XPO5: variants seen among roughly 807,000 people sequenced by gnomAD.
XPO5 encodes exportin 5.
A neutral mutation model predicts 160.6 loss-of-function variants in XPO5; 46 were observed. The observed-to-expected ratio is 0.29, with a 90% CI of 0.23 to 0.37. The LOEUF (loss-of-function observed/expected upper bound fraction) is 0.37, where lower values mean the gene tolerates loss of function less well. Among genes scored for constraint, XPO5 ranks in the 10% least tolerant of loss-of-function variants. The probability of loss-of-function intolerance (pLI) is 1.00; values close to 1 mark genes in which losing one functional copy is unlikely to be tolerated. For missense variants in XPO5, 1,090 were observed against 1,463.9 expected (o/e 0.74, Z 4.17); for synonymous variants, 537 against 519.3 (o/e 1.03, Z -0.46).
intron 23 of XPO5, chr6:43,529,383 A>C (rs780402500): frequency 3.4e-5 from 12 of 349,808 alleles, no homozygotes; most frequent in South Asian, 1.1e-4. Context: ...TCTACTAAAA[A>C]AAAAAAAAAA....
At chr6:43,544,682 T>C (rs904054027) in intron 20 of XPO5, among the ~76,000 whole-genome samples, 10 of 152,058 alleles carry the variant, frequency 6.6e-5, no homozygotes, top group African/African-American at 2.4e-4. Flanking sequence ...TGCTAGCACT[T>C]TGGGAGACTG....
chr6:43,575,656 GGGGCCGCGT>G, intron 1 of XPO5, 95 bp downstream of exon 1: 1 of 1,062,292 alleles, frequency 9.4e-7, no homozygotes, highest in Non-Finnish European at 1.4e-6. Context: ...AGGAGGTCCA[GGGGCCGCGT>G]GGGCGGGAGA....
intron 20 of XPO5, chr6:43,539,030 G>T (rs1053597078): frequency 2.7e-4 from 412 of 1,547,966 alleles, no homozygotes; most frequent in Non-Finnish European, 3.6e-4. Flanking sequence ...GCCCTGGGCT[G>T]AGGTGTAGCA....
Position 43,562,116 on chromosome 6 carries a change from G to A in XPO5, c.1011+131C>T, listed in dbSNP as rs1762449104. 2.3e-5 allele frequency: 14 copies of A among 604,008 alleles called. No homozygotes were observed. In the South Asian group the frequency reaches 2.7e-4, roughly 12 times the overall value. The allele number at this position is 604,008 out of a possible 1,614,324, so 37.4% of individuals were successfully genotyped here. On this transcript the variant is annotated intron_variant, in intron 9 of 31. Transcript: ENST00000265351. The stretch of plus-strand genomic sequence containing the variant: ...AAGATAATTTAATCTATAGAATCAT[G>A]CAATAACTTGTATGGCACTGCCCCA...
At position 43,572,584 on chromosome 6, in the gene XPO5, C is replaced by A; in HGVS notation, c.228-6G>T. The A allele has an allele frequency of 6.2e-7, 1 of 1,613,824 alleles. No individual in the cohort carries two copies. Among genetic ancestry groups the A allele is most frequent in the South Asian group, 1.1e-5 (1 of 91,070 alleles). On this transcript the variant is annotated splice_region_variant and splice_polypyrimidine_tract_variant and intron_variant, in intron 2 of 31. Transcript: ENST00000265351. ...ACATGCCGTTCCACCGAAACCTGAC[C>A]ACCAAAATGCATAAAGTCAATAGAA...
At chr6:43,549,796 C>T (rs41281822) in intron 16 of XPO5, 97 bp downstream of exon 16, 231 of 1,339,974 alleles carry the variant, frequency 1.7e-4, no homozygotes, top group Non-Finnish European at 2.3e-4. Context: ...ACCCTTACTA[C>T]CCCCTCCCAT....
At chr6:43,566,334 C>T (rs1762692764) in intron 7 of XPO5, among the ~76,000 whole-genome samples, 1 of 151,908 alleles carries the variant, frequency 6.6e-6, no homozygotes, top group Non-Finnish European at 1.5e-5. Context: ...GCAGAGGTTG[C>T]ACTGAGCTGA....
At chr6:43,526,980 AGAGT>A in intron 26 of XPO5, 1 of 521,110 alleles carries the variant, frequency 1.9e-6, no homozygotes, top group Non-Finnish European at 3.5e-6. Flanking sequence ...GAATTCTCTG[AGAGT>A]GAGTGACTAG....
intron 7 of XPO5, chr6:43,566,720 G>A: frequency 6.9e-6 from 2 of 288,838 alleles, no homozygotes; most frequent in South Asian, 5.6e-5. Flanking sequence ...TGAGGCAGGA[G>A]AATCGCTTGA....
chr6:43,575,797 G>A lies in XPO5; in HGVS notation c.68C>T (p.Pro23Leu). 1 of 1,613,780 alleles carries A rather than the reference G, an allele frequency of 6.2e-7. No individual in the cohort carries two copies. The highest frequency in any genetic ancestry group is 8.5e-7 in the Non-Finnish European group (1 of 1,179,758). Reference protein sequence around the residue: ...LVKAVTVMMDPNSTQRYRLEA... With the variant: ...LVKAVTVMMDLNSTQRYRLEA... ...CAGCCGGTAGCGCTGGGTGGAGTTG[G>A]GGTCCATCATGACCGTCACCGCTTT... The change falls in exon 1 of 32, where the codon CCC (proline) becomes CTC (leucine). Residue 23 changes from proline to leucine, a missense_variant. Physicochemically the swap from Pro to Leu is moderately conservative, Grantham distance 98. Coordinates refer to ENST00000265351, the MANE Select transcript of XPO5 (RefSeq NM_020750.3).
chr6:43,539,455 G>A (rs551080046), intron 20 of XPO5: 1,286 of 1,573,642 alleles, frequency 8.2e-4, no homozygotes, highest in Non-Finnish European at 1.0e-3. Context: ...GCAGGGAGAA[G>A]AGATAGATCT....
At chr6:43,573,081 C>T (rs1344324347) in intron 2 of XPO5, among the ~76,000 whole-genome samples, 1 of 152,058 alleles carries the variant, frequency 6.6e-6, no homozygotes, top group African/African-American at 2.4e-5. Flanking sequence ...TTGGATGTAC[C>T]ACCCAGAGAA....
intron 11 of XPO5, among the ~76,000 whole-genome samples, chr6:43,559,828 C>T (rs149206859): frequency 2.6e-5 from 4 of 152,120 alleles, no homozygotes; most frequent in Admixed American, 1.3e-4. Context: ...TTTTATGTTT[C>T]CCCCGAGACA....
At chr6:43,571,293 A>C (rs1762993820) in intron 3 of XPO5, among the ~76,000 whole-genome samples, 1 of 152,202 alleles carries the variant, frequency 6.6e-6, no homozygotes, top group Non-Finnish European at 1.5e-5. Flanking sequence ...AGTTTGCAGA[A>C]GGCCAGGGAG....
intron 14 of XPO5, 94 bp from the exon 15 acceptor site, chr6:43,551,547 G>C: frequency 4.8e-6 from 7 of 1,470,356 alleles, no homozygotes; most frequent in Admixed American, 1.8e-5. Flanking sequence ...TAAAGAGACA[G>C]GGTCTCATTC....
chr6:43,553,607 A>G (rs1352162425), intron 13 of XPO5, 104 bp from the exon 14 acceptor site: 4 of 1,448,624 alleles, frequency 2.8e-6, no homozygotes, highest in Non-Finnish European at 3.6e-6. Context: ...CTTAGAGAAC[A>G]CCTGAGAATT....
chr6:43,563,924 A>G (rs1257136063), intron 8 of XPO5, among the ~76,000 whole-genome samples: 2 of 152,148 alleles, frequency 1.3e-5, no homozygotes, highest in African/African-American at 2.4e-5. Context: ...GCTAAACTAA[A>G]CTTATTTATT....
Position 43,551,450 on chromosome 6 carries a change from T to C in XPO5, c.1576A>G (p.Ile526Val). ...AGCTCTATTCCATCATTAACAGGAA[T>C]TTCCTGTAACAAAGACATAAAACAG... is the stretch of plus-strand genomic sequence containing the variant. ...QMFRTLNREE[I>V]PVNDGIELLQ... is the part of the protein sequence containing the mutation. The change falls in exon 15 of 32, where the codon ATT becomes GTT. Residue 526 changes from isoleucine to valine, a missense_variant. Coordinates refer to ENST00000265351, the MANE Select transcript of XPO5 (RefSeq NM_020750.3). The C allele has an allele frequency of 6.2e-7, 1 of 1,611,790 alleles. No homozygotes were observed. Among genetic ancestry groups the C allele is most frequent in the Non-Finnish European group, 8.5e-7 (1 of 1,179,288 alleles).
intron 7 of XPO5, 118 bp from the exon 8 acceptor site, chr6:43,565,854 A>G (rs1170334505): frequency 2.8e-6 from 2 of 720,726 alleles, no homozygotes; most frequent in Admixed American, 3.4e-5. Context: ...CCCAGGGTTT[A>G]GTGAAACACT....
Sources: gnomAD v4.1 joint callset for allele counts (sites outside exome capture counted in the v4.1 genomes callset) on GRCh38, gnomAD v4.1.1 for gene constraint, MANE v1.5 for transcripts, NCBI Gene and HGNC (gene_info 2026-07-23, HGNC 2026-07-21) for gene names.